The following DMD variants were observed in gnomAD, a reference collection of about 807,000 sequenced individuals.
DMD encodes mutant dystrophin.
DMD carries 63 observed loss-of-function variants against 330.1 expected under a neutral mutation model. That is an observed-to-expected ratio of 0.19 (90% CI 0.16 to 0.24). The LOEUF is 0.24. Ranked by LOEUF, DMD falls within the 10% of genes least tolerant of loss-of-function variation. The probability of loss-of-function intolerance (pLI) is 1.00; values close to 1 mark genes in which losing one functional copy is unlikely to be tolerated. For synonymous variants in DMD, 1,223 were observed against 959.8 expected, an observed-to-expected ratio of 1.27 and a Z score of -5.07; for missense variants, 3,344 against 2,684.1, an observed-to-expected ratio of 1.25 and a Z score of -5.43.
intron 2 of DMD, among the ~76,000 whole-genome samples, chrX:32,999,550 G>A (rs182806873): frequency 6.0e-4 from 66 of 110,336 alleles, no homozygotes; most frequent in African/African-American, 2.1e-3. Context: ...AGGCTGAGGC[G>A]GGCAGATCAC....
chrX:31,729,874 G>A, intron 51 of DMD, 126 bp from the exon 52 acceptor site: 1 of 541,708 alleles, frequency 1.8e-6, no homozygotes, highest in Non-Finnish European at 3.2e-6. Context: ...AGATGTTACT[G>A]TATAAGGGTT....
At chrX:32,334,896 G>A (rs2097697968) in intron 41 of DMD, among the ~76,000 whole-genome samples, 1 of 111,419 alleles carries the variant, frequency 9.0e-6, no homozygotes, top group African/African-American at 3.3e-5. Flanking sequence ...TTTAAACACT[G>A]AAACTTTTTT....
chrX:31,327,629 T>G (rs2056865470), intron 61 of DMD, among the ~76,000 whole-genome samples: 1 of 111,801 alleles, frequency 8.9e-6, no homozygotes, highest in Non-Finnish European at 1.9e-5. Context: ...TTTGATAACA[T>G]AGGTGGGTCA....
chrX:32,061,344 C>G (rs145272988), intron 44 of DMD, among the ~76,000 whole-genome samples: 3 of 111,254 alleles, frequency 2.7e-5, no homozygotes, highest in African/African-American at 9.8e-5. Context: ...CACCTGCACA[C>G]TGGGCTCGTA....
intron 16 of DMD, among the ~76,000 whole-genome samples, chrX:32,559,931 A>G (rs808582): frequency 0.18 from 20,259 of 110,556 alleles, 1,714 homozygotes; most frequent in East Asian, 0.44. Flanking sequence ...GAATGTAGGC[A>G]CAAACATATA....
In DMD at chrX:32,573,532, C is replaced by T; in HGVS notation, c.1810G>A (p.Ala604Thr). ...ATTGAAAGCTAGAAAGTACATACGGCCAGTTTTTGAAGACTTGATAACATT... is the reference window on the plus strand; with the variant it reads ...ATTGAAAGCTAGAAAGTACATACGGTCAGTTTTTGAAGACTTGATAACATT... ...NEMLSSLQKLAVLKADLEKKK... is the reference protein window; with the variant it reads ...NEMLSSLQKLTVLKADLEKKK... The change falls in exon 15 of 79, where the codon GCC (alanine) becomes ACC (threonine). Residue 604 changes from alanine (A) to threonine (T), a missense_variant and splice_region_variant. Coordinates refer to ENST00000357033, the MANE Select transcript of DMD (RefSeq NM_004006.3). 2 of 1,206,748 alleles carry T rather than the reference C, an allele frequency of 1.7e-6. No individual in the cohort carries two copies. The highest frequency in any genetic ancestry group is 3.5e-5 in the South Asian group (2 of 56,866).
chrX:32,515,626 C>G (rs191229292), intron 18 of DMD, among the ~76,000 whole-genome samples: 19 of 111,809 alleles, frequency 1.7e-4, no homozygotes, highest in African/African-American at 5.5e-4. Flanking sequence ...TCTGTTAATT[C>G]AGCTAAAAAG....
chrX:32,606,506 T>C (rs752479368), intron 12 of DMD, among the ~76,000 whole-genome samples: 1 of 109,662 alleles, frequency 9.1e-6, no homozygotes, highest in Non-Finnish European at 1.9e-5. Context: ...TGGAGATTTC[T>C]CAAAGAACTT....
intron 44 of DMD, among the ~76,000 whole-genome samples, chrX:32,128,732 G>A (rs62591662): frequency 0.29 from 31,624 of 110,805 alleles, 3,534 homozygotes; most frequent in Non-Finnish European, 0.36. Flanking sequence ...TTCAACACTC[G>A]CATTTATCAC....
chrX:31,674,173 C>A (rs906399271), intron 53 of DMD, among the ~76,000 whole-genome samples: 1 of 111,718 alleles, frequency 9.0e-6, no homozygotes, highest in African/African-American at 3.3e-5. Flanking sequence ...TTTCCACTAC[C>A]GTACATATTT....
chrX:31,416,414 C>G (rs2061874431), intron 60 of DMD, among the ~76,000 whole-genome samples: 1 of 112,351 alleles, frequency 8.9e-6, no homozygotes, highest in African/African-American at 3.2e-5. Context: ...ATTGCATAAA[C>G]AGGATATAAG....
At chrX:32,778,547 C>A (rs1221978213) in intron 7 of DMD, among the ~76,000 whole-genome samples, 1 of 112,048 alleles carries the variant, frequency 8.9e-6, no homozygotes, top group Non-Finnish European at 1.9e-5. Context: ...GTAGGTTAGA[C>A]ATCTGACATG....
At chrX:31,258,086 G>C (rs758049313) in intron 63 of DMD, among the ~76,000 whole-genome samples, 2 of 112,488 alleles carry the variant, frequency 1.8e-5, no homozygotes, top group East Asian at 5.6e-4. Flanking sequence ...ACTATTCATA[G>C]GTAAAACTAT....
chrX:32,253,168 T>A (rs1469048432), intron 43 of DMD, among the ~76,000 whole-genome samples: 1 of 107,447 alleles, frequency 9.3e-6, no homozygotes, highest in Non-Finnish European at 1.9e-5. Flanking sequence ...AGTTTATGTG[T>A]GACTCTAAAA....
chrX:31,516,278 CAA>C (rs72056571), intron 55 of DMD, among the ~76,000 whole-genome samples: 67 of 51,818 alleles, frequency 1.3e-3, no homozygotes, highest in African/African-American at 2.2e-3. Flanking sequence ...AAAACAAGCG[CAA>C]AAAAAAAAAA....
At chrX:32,871,508 A>C (rs1013456627) in intron 2 of DMD, among the ~76,000 whole-genome samples, 2 of 111,490 alleles carry the variant, frequency 1.8e-5, no homozygotes, top group Admixed American at 9.6e-5. Flanking sequence ...ATCAAGGATC[A>C]AATAATGTGT....
At chrX:32,170,277 C>A (rs146414215) in intron 44 of DMD, among the ~76,000 whole-genome samples, 3 of 109,443 alleles carry the variant, frequency 2.7e-5, no homozygotes, top group Non-Finnish European at 3.8e-5. Flanking sequence ...TCGAGACCAG[C>A]CTGACCAACA....
chrX:32,740,956 A>G (rs761467904), intron 7 of DMD, among the ~76,000 whole-genome samples: 1 of 111,668 alleles, frequency 9.0e-6, no homozygotes, highest in Admixed American at 9.6e-5. Context: ...TTTTCATTAT[A>G]GCATGCTGTT....
chrX:32,561,840 C>T (rs187388447), intron 16 of DMD, among the ~76,000 whole-genome samples: 67 of 111,934 alleles, frequency 6.0e-4, no homozygotes, highest in African/African-American at 2.1e-3. Flanking sequence ...AACAGCAGAT[C>T]TCTCAGCAGA....
Sources: allele counts gnomAD v4.1 joint callset (sites outside exome capture counted in the v4.1 genomes callset), GRCh38; gene constraint gnomAD v4.1.1; transcripts MANE v1.5; gene names NCBI Gene and HGNC (gene_info 2026-07-23, HGNC 2026-07-21).